Variants in ZFAND3 observed in about 807,000 individuals in gnomAD.
The protein encoded by ZFAND3 is AN1-type zinc finger protein 3.
Under a neutral mutation model 29.6 loss-of-function variants are expected in ZFAND3, and 10 were observed. That is an observed-to-expected ratio of 0.34 (90% CI 0.21 to 0.57). The LOEUF (loss-of-function observed/expected upper bound fraction) is 0.57, where lower values mean the gene tolerates loss of function less well. Among genes scored for constraint, ZFAND3 ranks in the 20% least tolerant of loss-of-function variants. The pLI is 0.86. For missense variants in ZFAND3, 230 were observed against 304.5 expected (o/e 0.76, Z 1.82); for synonymous variants, 128 against 112.6 (o/e 1.14, Z -0.87).
At chr6:38,109,431 C>T (rs751010748) in intron 4 of ZFAND3, among the ~76,000 whole-genome samples, 4 of 152,104 alleles carry the variant, frequency 2.6e-5, no homozygotes, top group Non-Finnish European at 4.4e-5. Flanking sequence ...ATCTGCCCGC[C>T]TCAGCGTCCC....
At chr6:37,914,682 T>TTTTTTTTTTTTTA (rs56246279) in intron 1 of ZFAND3, among the ~76,000 whole-genome samples, 1 of 147,800 alleles carries the variant, frequency 6.8e-6, no homozygotes, top group Admixed American at 6.7e-5. Flanking sequence ...CTTTTTTTTT[T>TTTTTTTTTTTTTA]AGTGGAGACG....
At chr6:37,886,555 A>G (rs1337992422) in intron 1 of ZFAND3, among the ~76,000 whole-genome samples, 1 of 152,208 alleles carries the variant, frequency 6.6e-6, no homozygotes, top group Non-Finnish European at 1.5e-5. Flanking sequence ...CAGTCATATC[A>G]TGGAAAGGAC....
chr6:38,102,459 A>G (rs1403025364), intron 4 of ZFAND3, among the ~76,000 whole-genome samples: 7 of 152,086 alleles, frequency 4.6e-5, no homozygotes, highest in African/African-American at 7.2e-5. Flanking sequence ...AAGGAAATCT[A>G]TTTTCAGTCT....
At chr6:38,034,610 G>T (rs927271156) in intron 2 of ZFAND3, among the ~76,000 whole-genome samples, 5 of 152,050 alleles carry the variant, frequency 3.3e-5, no homozygotes, top group African/African-American at 1.2e-4. Context: ...ATTTTTTCCA[G>T]TGTGGCTTCA....
At chr6:38,096,538 T>C (rs1764984277) in intron 4 of ZFAND3, among the ~76,000 whole-genome samples, 2 of 152,190 alleles carry the variant, frequency 1.3e-5, no homozygotes, top group Non-Finnish European at 2.9e-5. Context: ...CATCCCTTTT[T>C]TCCATTCAAG....
rs373504956 is a variant in ZFAND3 at position 38,061,771 on chromosome 6, G to C, written c.291G>C (p.Glu97Asp). The C allele has an allele frequency of 6.8e-6, 11 of 1,614,078 alleles. No individual in the cohort carries two copies. Among genetic ancestry groups the C allele is most frequent in the Non-Finnish European group, 9.3e-6 (11 of 1,179,984 alleles). ...TGAATGTAACTTCACCGAGTAAAGA[G>C]GAGTGTAAGTGTCTGGCTTCTGAGG... ...TELNVTSPSK[E>D]ECGPCTDTAH... The change falls in exon 3 of 6, where the codon GAG becomes GAC. Residue 97 changes from glutamate to aspartate, a missense_variant. Transcript: ENST00000287218.
chr6:37,930,662 G>C (rs1166701505), intron 2 of ZFAND3, among the ~76,000 whole-genome samples: 2 of 152,258 alleles, frequency 1.3e-5, no homozygotes, highest in Middle Eastern at 3.4e-3. Context: ...TCCTTTTCTA[G>C]CCCCAGAGGT....
intron 5 of ZFAND3, among the ~76,000 whole-genome samples, chr6:38,148,727 C>G (rs987272543): frequency 6.6e-6 from 1 of 152,090 alleles, no homozygotes; most frequent in East Asian, 1.9e-4. Context: ...ACCAGTCATT[C>G]CCATGCACCT....
intron 2 of ZFAND3, among the ~76,000 whole-genome samples, chr6:37,930,950 G>T (rs777034931): frequency 6.6e-5 from 10 of 152,206 alleles, no homozygotes; most frequent in Non-Finnish European, 1.5e-4. Context: ...TTGCAGAGAT[G>T]ACTGGGAGTT....
intron 5 of ZFAND3, among the ~76,000 whole-genome samples, chr6:38,130,751 A>C (rs557648178): frequency 5.9e-5 from 9 of 152,318 alleles, no homozygotes; most frequent in Admixed American, 5.9e-4. Flanking sequence ...TATGTTCATC[A>C]GGGATATTGG....
intron 5 of ZFAND3, among the ~76,000 whole-genome samples, chr6:38,133,395 T>C (rs1168317013): frequency 6.6e-6 from 1 of 152,210 alleles, no homozygotes; most frequent in African/African-American, 2.4e-5. Flanking sequence ...AATAGCTTTA[T>C]TGAACAGCTA....
chr6:38,077,139 T>G (rs77474124), intron 3 of ZFAND3, among the ~76,000 whole-genome samples: 13,281 of 150,724 alleles, frequency 0.088, 766 homozygotes, highest in East Asian at 0.29. Context: ...TTAAGAGGAA[T>G]CCTCATCAAG....
intron 3 of ZFAND3, among the ~76,000 whole-genome samples, chr6:38,078,452 A>C (rs959948443): frequency 5.9e-5 from 9 of 152,244 alleles, no homozygotes; most frequent in Non-Finnish European, 1.3e-4. Context: ...CGGATAATGA[A>C]GAAACTTGAA....
chr6:38,039,558 A>C (rs1340919697), intron 2 of ZFAND3, among the ~76,000 whole-genome samples: 1 of 152,216 alleles, frequency 6.6e-6, no homozygotes, highest in Non-Finnish European at 1.5e-5. Context: ...TTAGATGCAT[A>C]TGTGTCAGCA....
chr6:38,064,809 T>C (rs1342178832), intron 3 of ZFAND3, among the ~76,000 whole-genome samples: 1 of 152,188 alleles, frequency 6.6e-6, no homozygotes, highest in African/African-American at 2.4e-5. Context: ...TTATACTCTC[T>C]GAAGCTAATC....
intron 1 of ZFAND3, among the ~76,000 whole-genome samples, chr6:37,889,805 ATCTT>A (rs1194868489): frequency 6.6e-6 from 1 of 152,154 alleles, no homozygotes; most frequent in Non-Finnish European, 1.5e-5. Context: ...TATTGATAGA[ATCTT>A]TATTGTGTAA....
chr6:37,846,636 A>G (rs752786415), intron 1 of ZFAND3, among the ~76,000 whole-genome samples: 5 of 152,278 alleles, frequency 3.3e-5, no homozygotes, highest in Non-Finnish European at 5.9e-5. Context: ...CTCATCTAGA[A>G]AGAGGTGGAG....
chr6:37,931,438 C>T (rs1278478026), intron 2 of ZFAND3, among the ~76,000 whole-genome samples: 2 of 151,280 alleles, frequency 1.3e-5, no homozygotes, highest in Admixed American at 6.6e-5. Flanking sequence ...CCAGCTACTC[C>T]GGAGGCTGAG....
chr6:38,030,784 G>GA (rs943802315), intron 2 of ZFAND3, among the ~76,000 whole-genome samples: 5 of 151,942 alleles, frequency 3.3e-5, no homozygotes, highest in Non-Finnish European at 7.4e-5. Context: ...CAAAAAAAAA[G>GA]AAAAAAACTT....
Sources: allele counts gnomAD v4.1 joint callset (sites outside exome capture counted in the v4.1 genomes callset), GRCh38; gene constraint gnomAD v4.1.1; transcripts MANE v1.5; gene names NCBI Gene and HGNC (gene_info 2026-07-23, HGNC 2026-07-21).